The following ATP9B variants were observed in gnomAD, a reference collection of about 807,000 sequenced individuals.
ATP9B encodes the protein ATPase phospholipid transporting 9B, also known as probable phospholipid-transporting ATPase IIB.
In ATP9B, 110 loss-of-function variants were observed where a neutral mutation model predicts 146.1. That is an observed-to-expected ratio of 0.75 (90% confidence interval 0.65 to 0.88). The LOEUF is 0.88. Ranked by LOEUF, ATP9B falls within the 40% of genes least tolerant of loss-of-function variation. The probability of loss-of-function intolerance (pLI) is 0.00; values close to 1 mark genes in which losing one functional copy is unlikely to be tolerated. For synonymous variants in ATP9B, 604 were observed against 569.7 expected (o/e 1.06, Z -0.86); for missense variants, 1,499 against 1,496.4 (o/e 1.00, Z -0.03).
At chr18:79,369,643 AT>A (rs2147972081) in intron 26 of ATP9B, among the ~76,000 whole-genome samples, 1 of 152,108 alleles carries the variant, frequency 6.6e-6, no homozygotes, top group Non-Finnish European at 1.5e-5. Flanking sequence ...GAGTCCTGGC[AT>A]TTTGGAGTGG....
intron 1 of ATP9B, among the ~76,000 whole-genome samples, chr18:79,093,005 T>C (rs1466749363): frequency 6.6e-6 from 1 of 152,182 alleles, no homozygotes; most frequent in African/African-American, 2.4e-5. Context: ...TATGAATGAC[T>C]GGTAGCACAA....
At chr18:79,168,384 T>G (rs536998477) in intron 7 of ATP9B, among the ~76,000 whole-genome samples, 10 of 151,858 alleles carry the variant, frequency 6.6e-5, no homozygotes, top group South Asian at 4.2e-4. Context: ...TTTTGTTTTT[T>G]TTTTTTTTAC....
chr18:79,089,710 A>G (rs986141214), intron 1 of ATP9B, among the ~76,000 whole-genome samples: 2 of 152,208 alleles, frequency 1.3e-5, no homozygotes, highest in Non-Finnish European at 2.9e-5. Context: ...ATGTGTAATG[A>G]TGGAATCGGG....
chr18:79,336,256 G>A (rs990596082), intron 17 of ATP9B, among the ~76,000 whole-genome samples: 1 of 152,144 alleles, frequency 6.6e-6, no homozygotes, highest in South Asian at 2.1e-4. Flanking sequence ...GCAGGCTGCC[G>A]TCCACACTCT....
At chr18:79,075,230 C>G (rs1025755729) in intron 1 of ATP9B, among the ~76,000 whole-genome samples, 1 of 152,230 alleles carries the variant, frequency 6.6e-6, no homozygotes, top group Non-Finnish European at 1.5e-5. Flanking sequence ...GCGCTCACTA[C>G]AGCCTCGACC....
intron 9 of ATP9B, among the ~76,000 whole-genome samples, chr18:79,196,379 A>C (rs977608654): frequency 6.6e-6 from 1 of 152,250 alleles, no homozygotes; most frequent in African/African-American, 2.4e-5. Context: ...CGTAAGAATA[A>C]AACAGTGGAG....
intron 11 of ATP9B, among the ~76,000 whole-genome samples, chr18:79,223,258 T>C (rs2095698016): frequency 6.6e-6 from 1 of 152,114 alleles, no homozygotes; most frequent in Non-Finnish European, 1.5e-5. Flanking sequence ...AGACTAGCTT[T>C]CTTGTTTTAA....
chr18:79,337,532 A>G, intron 19 of ATP9B, 83 bp downstream of exon 19: 7 of 1,523,934 alleles, frequency 4.6e-6, no homozygotes, highest in Non-Finnish European at 6.1e-6. Context: ...GATTTGTGAA[A>G]CTCCTGTGGG....
chr18:79,304,068 G>C (rs1202281119), intron 14 of ATP9B, among the ~76,000 whole-genome samples: 1 of 151,868 alleles, frequency 6.6e-6, no homozygotes, highest in African/African-American at 2.4e-5. Flanking sequence ...ATAATAAAAT[G>C]TTCTCATATT....
In ATP9B at chr18:79,205,713, C is replaced by T. The variant is rs1035539245; in HGVS notation, c.955-1224C>T. Among the ~76,000 whole-genome samples, 5 of 151,916 alleles carry T rather than the reference C, an allele frequency of 3.3e-5. No individual in the cohort carries two copies. In the East Asian group the frequency reaches 7.7e-4, roughly 23 times the overall value. On this transcript the variant is annotated intron_variant, in intron 9 of 29. Transcript: ENST00000426216. ...TTTATTCTAGTAAGGCTTCCATTAC[C>T]GAAATGTAGGCCATGACTTTACATT...
At chr18:79,368,841 C>G (rs2097051323) in intron 26 of ATP9B, among the ~76,000 whole-genome samples, 1 of 152,000 alleles carries the variant, frequency 6.6e-6, no homozygotes, top group Non-Finnish European at 1.5e-5. Context: ...TGGCACGTCT[C>G]TACCCTCAGC....
At chr18:79,262,681 C>G (rs547087178) in intron 12 of ATP9B, among the ~76,000 whole-genome samples, 4 of 152,334 alleles carry the variant, frequency 2.6e-5, no homozygotes, top group Non-Finnish European at 5.9e-5. Context: ...ATACCACAGT[C>G]CATCCCCTTT....
chr18:79,323,432 C>T (rs2146941472), intron 15 of ATP9B, among the ~76,000 whole-genome samples: 1 of 152,240 alleles, frequency 6.6e-6, no homozygotes, highest in South Asian at 2.1e-4. Flanking sequence ...CCTTTATCAC[C>T]CCTATCCCCA....
chr18:79,347,934 C>T lies in ATP9B; in HGVS notation c.2838+9C>T, dbSNP rs9965202. 0.87 allele frequency: 1,400,332 copies of T among 1,611,832 alleles called. 609,551 individuals carry two copies. Among genetic ancestry groups the T allele is most frequent in the East Asian group, 1 (44,797 of 44,812 alleles). ...TCATCTCCACCATGCAGGTACTAAGCCTTCTGTGCTGGCACCCATGGAGGG... is the reference window on the plus strand; with the variant it reads ...TCATCTCCACCATGCAGGTACTAAGTCTTCTGTGCTGGCACCCATGGAGGG... On this transcript the variant is annotated intron_variant, in intron 24 of 29. Transcript: ENST00000426216.
chr18:79,368,925 C>T lies in ATP9B; in HGVS notation c.3013-3900C>T, dbSNP rs931584838. On this transcript the variant is annotated intron_variant, in intron 26 of 29. Transcript: ENST00000426216. ...CTTCCCTTCCTGCCAAGGCCAGAGA[C>T]GCGTGCAGAGCCCCAGTTAATTGGG... 5.3e-5 allele frequency among the ~76,000 whole-genome samples: 8 copies of T among 152,048 alleles called. No individual in the cohort carries two copies. The East Asian group carries it at 5.8e-4, about 11-fold the overall frequency.
intron 7 of ATP9B, among the ~76,000 whole-genome samples, chr18:79,167,747 T>C (rs907585555): frequency 2.0e-5 from 3 of 152,206 alleles, no homozygotes; most frequent in African/African-American, 7.2e-5. Context: ...AAGTCCTCAC[T>C]TCCGGCAGTG....
intron 15 of ATP9B, among the ~76,000 whole-genome samples, chr18:79,311,947 T>TG (rs2096654831): frequency 6.6e-6 from 1 of 152,222 alleles, no homozygotes; most frequent in Non-Finnish European, 1.5e-5. Flanking sequence ...TGGGCGCACT[T>TG]GCACGCAGCC....
chr18:79,219,591 A>T (rs1276122356), intron 11 of ATP9B, among the ~76,000 whole-genome samples: 1 of 152,172 alleles, frequency 6.6e-6, no homozygotes, highest in African/African-American at 2.4e-5. Flanking sequence ...GAACTATGGC[A>T]TTACTTCTTT....
chr18:79,355,706 A>C (rs944022641), intron 25 of ATP9B, among the ~76,000 whole-genome samples: 1 of 152,222 alleles, frequency 6.6e-6, no homozygotes, highest in Non-Finnish European at 1.5e-5. Context: ...AGGGCTAGGA[A>C]CTTACTTGAA....
Sources: allele counts gnomAD v4.1 joint callset (sites outside exome capture counted in the v4.1 genomes callset), GRCh38; gene constraint gnomAD v4.1.1; transcripts MANE v1.5; gene names NCBI Gene and HGNC (gene_info 2026-07-23, HGNC 2026-07-21).